The following HIP1 variants were observed in gnomAD, a reference collection of about 807,000 sequenced individuals.
The protein encoded by HIP1 is huntingtin-interacting protein 1.
A neutral mutation model predicts 147.6 loss-of-function variants in HIP1; 65 were observed. The observed-to-expected ratio is 0.44, with a 90% CI of 0.36 to 0.54. The LOEUF (loss-of-function observed/expected upper bound fraction) is 0.54. Ranked by LOEUF, HIP1 falls within the 20% of genes least tolerant of loss-of-function variation. The probability of loss-of-function intolerance (pLI) is 0.00; values close to 1 mark genes in which losing one functional copy is unlikely to be tolerated. For missense variants in HIP1, 1,061 were observed against 1,299.6 expected (o/e 0.82, Z 2.82); for synonymous variants, 479 against 504.0 (o/e 0.95, Z 0.67).
chr7:75,562,991 C>A lies in HIP1; in HGVS notation c.964G>T (p.Asp322Tyr). The change falls in exon 11 of 31, where the codon GAC (aspartate) becomes TAC (tyrosine). Residue 322 changes from aspartate (D) to tyrosine (Y), a missense_variant. Physicochemically the swap from Asp to Tyr is radical, Grantham distance 160. Around this residue, in one of 3 missense-constraint regions of HIP1, gnomAD observed 810 missense variants for 946.8 expected, o/e 0.86. Coordinates refer to ENST00000336926, the MANE Select transcript of HIP1 (RefSeq NM_005338.7). The part of the protein sequence containing the change: ...VVIPAEASSP[D>Y]SEPVLEKDDL... ...TCCTTCTCTAGGACTGGCTCGCTGT[C>A]GGGGGATGAGGCCTCTGCAGGGATC... 3 of 1,614,160 alleles carry A rather than the reference C, an allele frequency of 1.9e-6. No homozygotes were observed. Among genetic ancestry groups the A allele is most frequent in the Non-Finnish European group, 2.5e-6 (3 of 1,180,034 alleles).
intron 1 of HIP1, among the ~76,000 whole-genome samples, chr7:75,703,974 C>A (rs1800915493): frequency 6.6e-6 from 1 of 152,152 alleles, no homozygotes; most frequent in Non-Finnish European, 1.5e-5. Flanking sequence ...GGCCCCGGGC[C>A]TGGGCTGCAT....
At chr7:75,607,219 T>C (rs1422942191) in intron 1 of HIP1, among the ~76,000 whole-genome samples, 1 of 142,912 alleles carries the variant, frequency 7.0e-6, no homozygotes, top group African/African-American at 2.8e-5. Flanking sequence ...AAAAAAAGAG[T>C]TGTTTTTTGT....
Position 75,658,429 on chromosome 7 carries a change from C to A in HIP1, c.121-59182G>T, listed in dbSNP as rs556920810. 2.6e-5 allele frequency among the ~76,000 whole-genome samples: 4 copies of A among 152,148 alleles called. No homozygotes were observed. In the East Asian group the frequency reaches 7.7e-4, roughly 29 times the overall value. Reference sequence around the variant, plus strand: ...TGAAGGAATTCTGGAGGGTGGAGAACAAATCTGCCCAGCTTCAGGACTAGT... The same window carrying A: ...TGAAGGAATTCTGGAGGGTGGAGAAAAAATCTGCCCAGCTTCAGGACTAGT... On this transcript the variant is annotated intron_variant, in intron 1 of 30. Transcript: ENST00000336926.
At position 75,647,211 on chromosome 7, in the gene HIP1, C is replaced by CAAAAAAAAAAA. The variant is rs60972195; in HGVS notation, c.121-47975_121-47965dup. ...CGAAACCCCATCTCTACTAAAAATA[C>CAAAAAAAAAAA]AAAAAAAAAAAAAAAAAAAAAAAAA... On this transcript the variant is annotated intron_variant, in intron 1 of 30. Transcript: ENST00000336926. 1.1e-3 allele frequency among the ~76,000 whole-genome samples: 61 copies of CAAAAAAAAAAA among 58,004 alleles called. 12 individuals are homozygous for CAAAAAAAAAAA. The highest frequency in any genetic ancestry group is 1.8e-3 in the Admixed American group (7 of 3,786). 38.1% of individuals were successfully genotyped at this position (58,004 alleles called of 152,430 possible).
At chr7:75,566,996 T>C (rs1240425538) in intron 9 of HIP1, among the ~76,000 whole-genome samples, 1 of 150,862 alleles carries the variant, frequency 6.6e-6, no homozygotes, top group Non-Finnish European at 1.5e-5. Context: ...CCTGTAATCC[T>C]AGCTACTGAA....
In HIP1 at chr7:75,628,439, C is replaced by T. The variant is rs193279540; in HGVS notation, c.121-29192G>A. Among the ~76,000 whole-genome samples, 17 of 149,688 alleles carry T rather than the reference C, an allele frequency of 1.1e-4. No homozygotes were observed. The East Asian group carries it at 3.2e-3, about 28-fold the overall frequency. ...CCAATCACACTATTGTGATTATTAA[C>T]ATTAATCTAATATTATAATTTTATC... On this transcript the variant is annotated intron_variant, in intron 1 of 30. Transcript: ENST00000336926.
At chr7:75,631,825 T>C in intron 1 of HIP1, among the ~76,000 whole-genome samples, 1 of 151,044 alleles carries the variant, frequency 6.6e-6, no homozygotes, top group East Asian at 2.0e-4. Flanking sequence ...GAGACAAAGG[T>C]GGAGGGGAAA....
intron 6 of HIP1, among the ~76,000 whole-genome samples, 182 bp downstream of exon 6, chr7:75,581,893 G>A (rs1433613738): frequency 2.6e-5 from 4 of 152,214 alleles, no homozygotes; most frequent in African/African-American, 9.6e-5. Flanking sequence ...GAAATAGCCA[G>A]GCAGGGGTTC....
chr7:75,578,260 G>A (rs2116909773), intron 7 of HIP1, among the ~76,000 whole-genome samples: 1 of 152,320 alleles, frequency 6.6e-6, no homozygotes, highest in South Asian at 2.1e-4. Context: ...GCTCCAAGAA[G>A]AGGTGAGAGC....
chr7:75,548,260 C>T (rs1794649189), intron 23 of HIP1, among the ~76,000 whole-genome samples: 1 of 152,042 alleles, frequency 6.6e-6, no homozygotes, highest in South Asian at 2.1e-4. Context: ...AACTCCTGAC[C>T]TCATGATCTG....
chr7:75,551,095 G>A (rs1794764424), intron 22 of HIP1, among the ~76,000 whole-genome samples: 1 of 149,608 alleles, frequency 6.7e-6, no homozygotes, highest in East Asian at 2.0e-4. Flanking sequence ...AAAGCCAGTT[G>A]TAGAAGAATA....
At chr7:75,620,466 C>T (rs1797810249) in intron 1 of HIP1, among the ~76,000 whole-genome samples, 1 of 150,896 alleles carries the variant, frequency 6.6e-6, no homozygotes, top group South Asian at 2.1e-4. Flanking sequence ...GTGGGTGGGT[C>T]ACTTGAGGTC....
intron 30 of HIP1, 49 bp from the exon 31 acceptor site, chr7:75,538,273 A>T (rs1554489168): frequency 6.9e-7 from 1 of 1,458,430 alleles, no homozygotes; most frequent in African/African-American, 1.4e-5. Flanking sequence ...GAATGCATTC[A>T]TTCACTTAAC....
intron 6 of HIP1, 36 bp downstream of exon 6, chr7:75,582,039 T>G: frequency 6.4e-7 from 1 of 1,562,638 alleles, no homozygotes; most frequent in Non-Finnish European, 8.8e-7. Flanking sequence ...CACAAAAGCT[T>G]TCTCCCTCCC....
At chr7:75,557,285 C>T (rs1290247235) in intron 16 of HIP1, among the ~76,000 whole-genome samples, 3 of 151,982 alleles carry the variant, frequency 2.0e-5, no homozygotes, top group Non-Finnish European at 2.9e-5. Flanking sequence ...GATCCACACC[C>T]CCCTCAGCCT....
At chr7:75,650,453 C>CTTT (rs782108312) in intron 1 of HIP1, among the ~76,000 whole-genome samples, 8 of 126,562 alleles carry the variant, frequency 6.3e-5, no homozygotes, top group Admixed American at 2.5e-4. Context: ...GCCCAGTTAT[C>CTTT]TTTTTTTTTT....
intron 5 of HIP1, among the ~76,000 whole-genome samples, chr7:75,582,705 G>A (rs1285016373): frequency 6.6e-6 from 1 of 152,192 alleles, no homozygotes; most frequent in Non-Finnish European, 1.5e-5. Flanking sequence ...AGCTCCTTGG[G>A]AGGTTGAGGC....
chr7:75,645,728 GTACATAT>G (rs1798779876), intron 1 of HIP1, among the ~76,000 whole-genome samples: 1 of 152,116 alleles, frequency 6.6e-6, no homozygotes, highest in African/African-American at 2.4e-5. Flanking sequence ...GGAAAAGGTG[GTACATAT>G]CCAACAAGGA....
In HIP1 at chr7:75,533,456, C is replaced by A. The variant is rs955106738; in HGVS notation, c.*4716G>T. ...TAGGCACTCAGTGAAAAATGAAATTCATTTCAAGGAACTACCCTAATGGAA... is the reference window on the plus strand; with the variant it reads ...TAGGCACTCAGTGAAAAATGAAATTAATTTCAAGGAACTACCCTAATGGAA... On this transcript the variant is annotated 3_prime_UTR_variant, in exon 31 of 31. Coordinates refer to ENST00000336926, the MANE Select transcript of HIP1 (RefSeq NM_005338.7). The A allele has an allele frequency of 8.6e-6, 2 of 232,086 alleles. No individual in the cohort carries two copies. Among genetic ancestry groups the A allele is most frequent in the East Asian group, 6.1e-5 (1 of 16,440 alleles). 14.4% of individuals were successfully genotyped at this position (232,086 alleles called of 1,614,324 possible).
Sources: gnomAD v4.1 joint callset for allele counts (sites outside exome capture counted in the v4.1 genomes callset) on GRCh38, gnomAD v4.1.1 for gene constraint, gnomAD v4.1.1 regional missense constraint, MANE v1.5 for transcripts, NCBI Gene and HGNC (gene_info 2026-07-23, HGNC 2026-07-21) for gene names.